The following VANGL1 variants were observed in gnomAD, a reference collection of about 807,000 sequenced individuals.
VANGL1 encodes vang-like protein 1.
Under a neutral mutation model 48.4 loss-of-function variants are expected in VANGL1, and 18 were observed. The ratio of observed to expected loss-of-function variants is 0.37; its 90% CI spans 0.26 to 0.55. The LOEUF is 0.55. Among genes scored for constraint, VANGL1 ranks in the 20% least tolerant of loss-of-function variants. The probability of loss-of-function intolerance (pLI) is 0.81; values close to 1 mark genes in which losing one functional copy is unlikely to be tolerated. For missense variants in VANGL1, 667 were observed against 675.8 expected (o/e 0.99, Z 0.14); for synonymous variants, 257 against 261.8 (o/e 0.98, Z 0.18).
rs567913278 is a variant in VANGL1, at chr1:115,676,881, G to T, written c.813-5483G>T. Among the ~76,000 whole-genome samples the T allele has an allele frequency of 5.9e-5, 9 of 152,314 alleles. No homozygotes were observed. In the South Asian group the frequency reaches 1.9e-3, roughly 32 times the overall value. ...GACGTTTTATGCCACTGAGTATTTTGGAGCCCACTTATCATGGTAATCAGG... is the reference window on the plus strand; with the variant it reads ...GACGTTTTATGCCACTGAGTATTTTTGAGCCCACTTATCATGGTAATCAGG... On this transcript the variant is annotated intron_variant, in intron 4 of 7. Transcript: ENST00000355485.
chr1:115,686,370 CAA>C (rs10667490), intron 7 of VANGL1, among the ~76,000 whole-genome samples: 105 of 104,922 alleles, frequency 1.0e-3, no homozygotes, highest in African/African-American at 3.1e-3. Flanking sequence ...AGACTCCGTC[CAA>C]AAAAAAAAAA....
At chr1:115,681,503 G>GGT (rs1653386921) in intron 4 of VANGL1, among the ~76,000 whole-genome samples, 1 of 114,880 alleles carries the variant, frequency 8.7e-6, no homozygotes. Flanking sequence ...TTTTTTTGTT[G>GGT]TTTTTTTTGT....
At position 115,664,043 on chromosome 1, in the gene VANGL1, T is replaced by G; in HGVS notation, c.587T>G (p.Phe196Cys). The G allele has an allele frequency of 6.2e-7, 1 of 1,614,150 alleles. No homozygotes were observed. The highest frequency in any genetic ancestry group is 8.5e-7 in the Non-Finnish European group (1 of 1,180,026). Residue 196 changes from phenylalanine (F) to cysteine (C), a missense_variant, in exon 4 of 8, where the codon TTT becomes TGT. Phe to Cys is a radical substitution (Grantham distance 205). Transcript: ENST00000355485. ...RALLLVLIFL[F>C]VVSYWLFYGV... ...CTTTTGTTGGTCCTCATCTTTCTCT[T>G]TGTGGTTTCCTATTGGCTTTTTTAC... is the stretch of plus-strand genomic sequence containing the variant.
At chr1:115,684,192 G>A in intron 6 of VANGL1, 116 bp downstream of exon 6, 1 of 1,130,778 alleles carries the variant, frequency 8.8e-7, no homozygotes, top group Non-Finnish European at 1.1e-6. Context: ...AGGCTGGAGT[G>A]CAGTGGCAAG....
chr1:115,650,996 C>G (rs557170497), intron 1 of VANGL1, among the ~76,000 whole-genome samples: 63 of 152,112 alleles, frequency 4.1e-4, no homozygotes, highest in African/African-American at 1.5e-3. Context: ...AGCCAGTGAG[C>G]AGGGGTCAGG....
rs917087585 is a variant in VANGL1 at position 115,694,656 on chromosome 1, A to G, written c.*3277A>G. On this transcript the variant is annotated 3_prime_UTR_variant, in exon 8 of 8. Coordinates refer to ENST00000355485, the MANE Select transcript of VANGL1 (RefSeq NM_138959.3). ...TACTGAGTGAGTGCTCCAGCCACTC[A>G]GTGAAACCAACAAAAGTGAGTCCTT... 6.6e-6 allele frequency: 1 copy of G among 152,244 alleles called. No homozygotes were observed. Among genetic ancestry groups the G allele is most frequent in the Non-Finnish European group, 1.5e-5 (1 of 68,044 alleles). 9.4% of individuals were successfully genotyped at this position (152,244 alleles called of 1,614,324 possible). A position where few individuals can be genotyped will look rare whatever the true frequency, so the allele number is the denominator to read the frequency against.
At chr1:115,679,846 G>T (rs1653310404) in intron 4 of VANGL1, among the ~76,000 whole-genome samples, 4 of 152,066 alleles carry the variant, frequency 2.6e-5, no homozygotes, top group Admixed American at 2.0e-4. Context: ...GAGGAGGGGG[G>T]ATGAAGTGAG....
chr1:115,644,243 C>G (rs1651833898), intron 1 of VANGL1, among the ~76,000 whole-genome samples: 1 of 152,190 alleles, frequency 6.6e-6, no homozygotes, highest in Admixed American at 6.5e-5. Flanking sequence ...GTTTCCCTAA[C>G]TAACATGATA....
rs1271138877 is a variant in VANGL1 at position 115,687,101 on chromosome 1, G to A, written c.1314+1574G>A. Reference sequence around the variant, plus strand: ...TAACTACCCTTAGGAAAGCAATGTAGAAATAGTAAGAAACCAAAAAGTTTT... The same window carrying A: ...TAACTACCCTTAGGAAAGCAATGTAAAAATAGTAAGAAACCAAAAAGTTTT... On this transcript the variant is annotated intron_variant, in intron 7 of 7. Coordinates refer to ENST00000355485, the MANE Select transcript of VANGL1 (RefSeq NM_138959.3). Among the ~76,000 whole-genome samples the A allele has an allele frequency of 2.2e-5, 3 of 138,526 alleles. 1 individual carries two copies. The highest frequency in any genetic ancestry group is 4.7e-5 in the Non-Finnish European group (3 of 63,328). The allele number at this position is 138,526 out of a possible 152,430, so 90.9% of individuals were successfully genotyped here. A position where few individuals can be genotyped will look rare whatever the true frequency, so the allele number is the denominator to read the frequency against.
At position 115,664,200 on chromosome 1, in the gene VANGL1, C is replaced by T. The variant is rs148388816; in HGVS notation, c.744C>T (p.Pro248=). 4.3e-6 allele frequency: 7 copies of T among 1,614,124 alleles called. No homozygotes were observed. The highest frequency in any genetic ancestry group is 3.3e-5 in the South Asian group (3 of 91,080). The change falls in exon 4 of 8, where the codon CCC becomes CCT. Residue 248 remains proline (P), a synonymous_variant. Transcript: ENST00000355485. ...IVLLELRQLQ[P]MFTLQVVRST... ...TGCTGGAGCTCAGGCAGCTGCAGCC[C>T]ATGTTCACGCTGCAGGTGGTCCGCT...
rs1159064331 is a variant in VANGL1, at chr1:115,689,619, A to G, written c.1315-1500A>G. Among the ~76,000 whole-genome samples, 2 of 128,712 alleles carry G rather than the reference A, an allele frequency of 1.6e-5. 1 individual carries two copies. The highest frequency in any genetic ancestry group is 3.3e-5 in the Non-Finnish European group (2 of 59,758). 84.4% of individuals were successfully genotyped at this position (128,712 alleles called of 152,430 possible). A position where few individuals can be genotyped will look rare whatever the true frequency, so the allele number is the denominator to read the frequency against. ...CCATTGCACTCCAGCCTGGGTAACA[A>G]GAGTGAAACTCTGCCTCAAAAAAAA... is the stretch of plus-strand genomic sequence containing the variant. On this transcript the variant is annotated intron_variant, in intron 7 of 7. Coordinates refer to ENST00000355485, the MANE Select transcript of VANGL1 (RefSeq NM_138959.3).
intron 2 of VANGL1, among the ~76,000 whole-genome samples, chr1:115,658,471 T>G (rs1307357355): frequency 1.3e-5 from 2 of 152,230 alleles, no homozygotes; most frequent in Non-Finnish European, 2.9e-5. Flanking sequence ...TGTGGTGTTG[T>G]CATTGTCACC....
chr1:115,674,375 C>T (rs143610188), intron 4 of VANGL1, among the ~76,000 whole-genome samples: 3 of 152,272 alleles, frequency 2.0e-5, no homozygotes, highest in East Asian at 1.9e-4. Context: ...CATTTACATC[C>T]GGGTCTCAGT....
At chr1:115,690,995 C>T in intron 7 of VANGL1, 124 bp from the exon 8 acceptor site, 2 of 1,334,298 alleles carry the variant, frequency 1.5e-6, no homozygotes, top group Non-Finnish European at 2.1e-6. Flanking sequence ...ATGAGCTGGG[C>T]TCTGGTCTAA....
chr1:115,676,510 GA>G (rs1653172913), intron 4 of VANGL1, among the ~76,000 whole-genome samples: 1 of 152,150 alleles, frequency 6.6e-6, no homozygotes, highest in Non-Finnish European at 1.5e-5. Context: ...TATCGTTTAT[GA>G]ATTATTTACT....
intron 4 of VANGL1, among the ~76,000 whole-genome samples, chr1:115,668,043 T>C (rs1452745519): frequency 6.6e-6 from 1 of 152,190 alleles, no homozygotes; most frequent in African/African-American, 2.4e-5. Context: ...TTCACAACAA[T>C]CATGTGAGGT....
At chr1:115,672,553 T>G (rs763932502) in intron 4 of VANGL1, among the ~76,000 whole-genome samples, 1 of 152,086 alleles carries the variant, frequency 6.6e-6, no homozygotes, top group Non-Finnish European at 1.5e-5. Flanking sequence ...CCTGTGGATC[T>G]CCCCCTCTAT....
intron 4 of VANGL1, 21 bp downstream of exon 4, chr1:115,664,289 G>A: frequency 6.2e-7 from 1 of 1,611,976 alleles, no homozygotes; most frequent in Non-Finnish European, 8.5e-7. Context: ...ACATCCAGGA[G>A]GCAGAAAGGA....
chr1:115,684,598 C>T (rs1284170063), intron 6 of VANGL1, among the ~76,000 whole-genome samples: 1 of 152,182 alleles, frequency 6.6e-6, no homozygotes, highest in Non-Finnish European at 1.5e-5. Flanking sequence ...ATACAGGCAG[C>T]AGGTTCTGGG....
Sources: allele counts gnomAD v4.1 joint callset (sites outside exome capture counted in the v4.1 genomes callset), GRCh38; gene constraint gnomAD v4.1.1; transcripts MANE v1.5; gene names NCBI Gene and HGNC (gene_info 2026-07-23, HGNC 2026-07-21).